ADK: variants seen among roughly 807,000 people sequenced by gnomAD.
ADK encodes adenosine kinase, also known as N6,N6-dimethyladenosine kinase.
A neutral mutation model predicts 44.7 loss-of-function variants in ADK; 24 were observed. The observed-to-expected ratio is 0.54, with a 90% CI of 0.39 to 0.76. The LOEUF is 0.76. ADK is among the 30% of genes least tolerant of loss of function. The pLI is 0.00. For synonymous variants in ADK, 128 were observed against 142.6 expected, an observed-to-expected ratio of 0.90 and a Z score of 0.73; for missense variants, 321 against 425.1, an observed-to-expected ratio of 0.76 and a Z score of 2.15.
intron 4 of ADK, among the ~76,000 whole-genome samples, chr10:74,357,149 T>A (rs1279609240): frequency 1.3e-5 from 2 of 152,220 alleles, no homozygotes; most frequent in African/African-American, 4.8e-5. Context: ...AATATATTGT[T>A]CTAGGTGCTG....
At chr10:74,471,686 T>G (rs11001046) in intron 6 of ADK, among the ~76,000 whole-genome samples, 95,431 of 151,900 alleles carry the variant, frequency 0.63, 31,684 homozygotes, top group Middle Eastern at 0.79. Context: ...ATTTCTTTCA[T>G]CAATGTTTTG....
rs191386128 is a variant in ADK, at chr10:74,609,272, C to T, written c.877+8779C>T. Among the ~76,000 whole-genome samples the T allele has an allele frequency of 6.4e-4, 98 of 152,260 alleles. 2 individuals are homozygous for T. The South Asian group carries it at 1.0e-2, about 15-fold the overall frequency. On this transcript the variant is annotated intron_variant, in intron 9 of 10. Transcript: ENST00000539909. Reference sequence around the variant, plus strand: ...AGTTCTGTCTCGCTGGCGTTCCACACGCCACTGTGGTATGAACAAAAACTC... The same window carrying T: ...AGTTCTGTCTCGCTGGCGTTCCACATGCCACTGTGGTATGAACAAAAACTC...
chr10:74,277,131 T>C (rs1846718072), intron 3 of ADK, among the ~76,000 whole-genome samples: 1 of 152,148 alleles, frequency 6.6e-6, no homozygotes, highest in Non-Finnish European at 1.5e-5. Context: ...TTGGCCAGGC[T>C]GATCTCGAAC....
chr10:74,318,162 A>C (rs148884165), intron 4 of ADK, among the ~76,000 whole-genome samples: 2 of 152,128 alleles, frequency 1.3e-5, no homozygotes, highest in African/African-American at 4.8e-5. Flanking sequence ...TTTGTTCATT[A>C]TTTATTAATT....
intron 6 of ADK, among the ~76,000 whole-genome samples, chr10:74,515,744 G>GA (rs1321548711): frequency 6.6e-6 from 1 of 152,170 alleles, no homozygotes; most frequent in Non-Finnish European, 1.5e-5. Context: ...CCTGCTTAGA[G>GA]AAGGGAGCCC....
At chr10:74,511,745 A>G (rs1350805591) in intron 6 of ADK, among the ~76,000 whole-genome samples, 5 of 152,174 alleles carry the variant, frequency 3.3e-5, no homozygotes, top group African/African-American at 1.2e-4. Flanking sequence ...TACATATGCA[A>G]ATAGGGACAA....
intron 6 of ADK, among the ~76,000 whole-genome samples, chr10:74,499,111 G>C (rs569565321): frequency 6.6e-6 from 1 of 152,182 alleles, no homozygotes; most frequent in Non-Finnish European, 1.5e-5. Context: ...GATTGCAGTG[G>C]TATGATCATA....
At chr10:74,245,727 A>C (rs1316930600) in intron 3 of ADK, among the ~76,000 whole-genome samples, 2 of 151,544 alleles carry the variant, frequency 1.3e-5, no homozygotes, top group African/African-American at 4.9e-5. Flanking sequence ...AGTAGCTGGG[A>C]TTACAGGCAT....
At chr10:74,255,707 C>A (rs759535876) in intron 3 of ADK, among the ~76,000 whole-genome samples, 123 of 152,280 alleles carry the variant, frequency 8.1e-4, no homozygotes, top group Non-Finnish European at 1.5e-3. Flanking sequence ...AGAATTGCCA[C>A]CAACAAAATT....
intron 6 of ADK, among the ~76,000 whole-genome samples, chr10:74,512,897 C>T (rs986704476): frequency 2.6e-5 from 4 of 151,602 alleles, no homozygotes; most frequent in Admixed American, 6.6e-5. Context: ...AGCATTTATT[C>T]CTATAAACTT....
chr10:74,216,299 A>G (rs1340341517), intron 2 of ADK, among the ~76,000 whole-genome samples: 1 of 152,234 alleles, frequency 6.6e-6, no homozygotes, highest in African/African-American at 2.4e-5. Context: ...AATTGTAATT[A>G]GCACACGGTA....
intron 6 of ADK, among the ~76,000 whole-genome samples, chr10:74,458,208 T>C (rs544742836): frequency 7.1e-6 from 1 of 141,204 alleles, no homozygotes; most frequent in African/African-American, 2.6e-5. Flanking sequence ...CACCGCTCAC[T>C]GTGGCCTCAG....
Position 74,394,306 on chromosome 10 carries a change from G to T in ADK, c.439G>T (p.Asp147Tyr). 1.2e-6 allele frequency: 2 copies of T among 1,613,776 alleles called. No individual in the cohort carries two copies. The highest frequency in any genetic ancestry group is 2.2e-5 in the South Asian group (2 of 91,054). The change falls in exon 5 of 11, where the codon GAC (aspartate) becomes TAC (tyrosine). Residue 147 changes from aspartate to tyrosine, a missense_variant. Coordinates refer to ENST00000539909, the MANE Select transcript of ADK (RefSeq NM_006721.4). The stretch of plus-strand genomic sequence containing the variant: ...AACTTGTGCTGCATGCATCACTGGT[G>T]ACAACAGGTCAGTGTAATTCCAAGG... Reference protein sequence around the residue: ...TGTCAACITGDNRSLIANLAA... With the variant: ...TGTCAACITGYNRSLIANLAA...
intron 1 of ADK, among the ~76,000 whole-genome samples, chr10:74,180,900 G>A (rs1224725732): frequency 4.6e-5 from 7 of 152,190 alleles, no homozygotes. Flanking sequence ...TAACTCAGTA[G>A]CAGAGATACT....
chr10:74,279,898 T>G (rs1451637968), intron 3 of ADK, among the ~76,000 whole-genome samples: 1 of 152,062 alleles, frequency 6.6e-6, no homozygotes, highest in East Asian at 1.9e-4. Flanking sequence ...TGTGGTATTA[T>G]GTACTTGTAG....
At chr10:74,491,297 A>G (rs1847474369) in intron 6 of ADK, among the ~76,000 whole-genome samples, 1 of 152,142 alleles carries the variant, frequency 6.6e-6, no homozygotes, top group Admixed American at 6.6e-5. Context: ...ACTTTGAGTC[A>G]GGATCTCACT....
chr10:74,703,511 ATGAGG>A (rs771091198), intron 10 of ADK, among the ~76,000 whole-genome samples: 7 of 152,146 alleles, frequency 4.6e-5, no homozygotes, highest in Admixed American at 1.3e-4. Context: ...TAAATTAAAA[ATGAGG>A]TGAGGTAAGT....
chr10:74,436,371 C>T (rs922915045), intron 6 of ADK, among the ~76,000 whole-genome samples: 2 of 151,932 alleles, frequency 1.3e-5, no homozygotes, highest in Non-Finnish European at 2.9e-5. Flanking sequence ...CATGCCACTA[C>T]GCTCCAGCCT....
intron 7 of ADK, among the ~76,000 whole-genome samples, chr10:74,535,315 T>C (rs1849412133): frequency 6.6e-6 from 1 of 152,030 alleles, no homozygotes; most frequent in Admixed American, 6.6e-5. Flanking sequence ...TTCTTAAAAT[T>C]AGCCAGGCAT....
Sources: allele counts gnomAD v4.1 joint callset (sites outside exome capture counted in the v4.1 genomes callset), GRCh38; gene constraint gnomAD v4.1.1; transcripts MANE v1.5; gene names NCBI Gene and HGNC (gene_info 2026-07-23, HGNC 2026-07-21).